Variants in RASGRF2 observed in about 807,000 individuals in gnomAD.
RASGRF2 encodes Ras protein specific guanine nucleotide releasing factor 2.
Under a neutral mutation model 151.0 loss-of-function variants are expected in RASGRF2, and 76 were observed. That is an observed-to-expected ratio of 0.50 (90% CI 0.42 to 0.61). The LOEUF (loss-of-function observed/expected upper bound fraction) is 0.61. Ranked by LOEUF, RASGRF2 falls within the 20% of genes least tolerant of loss-of-function variation. RASGRF2 has a pLI of 0.00. For synonymous variants in RASGRF2, 504 were observed against 566.5 expected (o/e 0.89, Z 1.57); for missense variants, 1,148 against 1,564.6 (o/e 0.73, Z 4.49).
At chr5:81,164,951 T>C (rs1181764332) in intron 17 of RASGRF2, among the ~76,000 whole-genome samples, 2 of 152,328 alleles carry the variant, frequency 1.3e-5, no homozygotes, top group South Asian at 4.1e-4. Context: ...GCGGCCATTT[T>C]CCACTAAAAC....
chr5:80,991,604 T>C (rs1748652506), intron 1 of RASGRF2, among the ~76,000 whole-genome samples: 1 of 152,196 alleles, frequency 6.6e-6, no homozygotes. Context: ...TTTATTTTAT[T>C]ACTAGAGCCA....
chr5:80,994,057 T>C (rs1366172755), intron 1 of RASGRF2, among the ~76,000 whole-genome samples: 2 of 152,076 alleles, frequency 1.3e-5, no homozygotes, highest in African/African-American at 4.8e-5. Flanking sequence ...AGGAGGGCCC[T>C]TATCTCTGTG....
chr5:81,048,957 A>G (rs996897688), intron 2 of RASGRF2, among the ~76,000 whole-genome samples: 2 of 152,044 alleles, frequency 1.3e-5, no homozygotes, highest in African/African-American at 4.8e-5. Context: ...TCTTGAAGAA[A>G]TGGTTCGGTT....
intron 2 of RASGRF2, among the ~76,000 whole-genome samples, chr5:81,059,468 T>G (rs1461798853): frequency 6.6e-6 from 1 of 151,952 alleles, no homozygotes; most frequent in East Asian, 1.9e-4. Flanking sequence ...CCTGAGACTT[T>G]CTATTGATCT....
intron 1 of RASGRF2, among the ~76,000 whole-genome samples, chr5:80,967,691 C>T (rs940999154): frequency 2.0e-5 from 3 of 152,068 alleles, no homozygotes; most frequent in African/African-American, 2.4e-5. Context: ...ACAGTGGGGT[C>T]AGTTCTTTCA....
intron 1 of RASGRF2, among the ~76,000 whole-genome samples, chr5:80,966,450 TTTGA>T (rs1380516998): frequency 6.6e-6 from 1 of 152,196 alleles, no homozygotes; most frequent in Non-Finnish European, 1.5e-5. Flanking sequence ...GTGATAAATG[TTTGA>T]TTATTTTATA....
chr5:81,014,546 G>A (rs1749569829), intron 1 of RASGRF2, among the ~76,000 whole-genome samples: 2 of 152,118 alleles, frequency 1.3e-5, no homozygotes, highest in African/African-American at 4.8e-5. Context: ...CCCACAACAC[G>A]TGGGAATTCA....
chr5:81,017,135 C>T (rs1017493812), intron 1 of RASGRF2, among the ~76,000 whole-genome samples: 1 of 152,180 alleles, frequency 6.6e-6, no homozygotes, highest in South Asian at 2.1e-4. Context: ...TTCACAGCTC[C>T]GGCAGGAGTC....
intron 17 of RASGRF2, among the ~76,000 whole-genome samples, chr5:81,166,531 A>G (rs1352890795): frequency 6.6e-6 from 1 of 152,156 alleles, no homozygotes; most frequent in Non-Finnish European, 1.5e-5. Flanking sequence ...CTGCTTACAG[A>G]TACTCCAAGG....
intron 1 of RASGRF2, among the ~76,000 whole-genome samples, chr5:80,981,340 T>C (rs1748292291): frequency 6.6e-6 from 1 of 152,186 alleles, no homozygotes; most frequent in Admixed American, 6.5e-5. Flanking sequence ...AAAATTGTGG[T>C]ACCTGTACTT....
chr5:81,188,229 T>C (rs1755075531), intron 18 of RASGRF2, among the ~76,000 whole-genome samples: 1 of 152,198 alleles, frequency 6.6e-6, no homozygotes, highest in African/African-American at 2.4e-5. Context: ...GGATCTTCTC[T>C]TCCATTTGCA....
At chr5:81,085,187 A>G (rs1288159089) in intron 7 of RASGRF2, among the ~76,000 whole-genome samples, 2 of 152,202 alleles carry the variant, frequency 1.3e-5, no homozygotes, top group African/African-American at 4.8e-5. Flanking sequence ...TTGAATCTCT[A>G]TCATGGTTTA....
chr5:81,146,071 T>C (rs754425295), intron 17 of RASGRF2, among the ~76,000 whole-genome samples: 3 of 152,226 alleles, frequency 2.0e-5, no homozygotes, highest in Non-Finnish European at 4.4e-5. Context: ...TGAGGGAGTA[T>C]ATTTGAAATT....
chr5:81,031,712 T>A (rs1049332429), intron 1 of RASGRF2, among the ~76,000 whole-genome samples: 1 of 152,016 alleles, frequency 6.6e-6, no homozygotes, highest in African/African-American at 2.4e-5. Context: ...GATCTAAAAT[T>A]GACACCCTAA....
chr5:81,033,742 G>C (rs938277083), intron 1 of RASGRF2, among the ~76,000 whole-genome samples: 15 of 152,124 alleles, frequency 9.9e-5, no homozygotes, highest in East Asian at 1.9e-4. Context: ...GCATGGGCAA[G>C]GATTTCATGT....
intron 19 of RASGRF2, among the ~76,000 whole-genome samples, chr5:81,205,053 G>A (rs572251369): frequency 1.3e-5 from 2 of 152,322 alleles, no homozygotes; most frequent in South Asian, 4.1e-4. Context: ...TCTCCCATGT[G>A]TAACCCTTAC....
intron 13 of RASGRF2, among the ~76,000 whole-genome samples, chr5:81,112,115 CTT>C (rs1270100131): frequency 1.3e-5 from 2 of 152,106 alleles, no homozygotes; most frequent in Non-Finnish European, 2.9e-5. Context: ...TTTCCAAAAA[CTT>C]GATATTTTCA....
intron 8 of RASGRF2, 115 bp downstream of exon 8, chr5:81,086,026 A>C: frequency 2.0e-6 from 3 of 1,475,356 alleles, no homozygotes; most frequent in African/African-American, 1.4e-5. Flanking sequence ...CCAGCTTCTC[A>C]GATTCACCTG....
chr5:80,992,583 T>C (rs893532632), intron 1 of RASGRF2, among the ~76,000 whole-genome samples: 1 of 152,212 alleles, frequency 6.6e-6, no homozygotes, highest in African/African-American at 2.4e-5. Context: ...AGGATAAGCC[T>C]CAGGGTAAGT....
Sources: allele counts gnomAD v4.1 joint callset (sites outside exome capture counted in the v4.1 genomes callset), GRCh38; gene constraint gnomAD v4.1.1; transcripts MANE v1.5; gene names NCBI Gene and HGNC (gene_info 2026-07-23, HGNC 2026-07-21).